Variants in SFMBT2 observed in about 807,000 individuals in gnomAD.
SFMBT2 encodes the protein scm-like with four MBT domains protein 2.
In SFMBT2, 38 loss-of-function variants were observed where a neutral mutation model predicts 110.1. That is an observed-to-expected ratio of 0.35 (90% CI 0.27 to 0.45). SFMBT2 has a LOEUF of 0.45. Ranked by LOEUF, SFMBT2 falls within the 20% of genes least tolerant of loss-of-function variation. The probability of loss-of-function intolerance (pLI) is 1.00; values close to 1 mark genes in which losing one functional copy is unlikely to be tolerated. For synonymous variants in SFMBT2, 425 were observed against 425.4 expected, an observed-to-expected ratio of 1.00 and a Z score of 0.01; for missense variants, 1,011 against 1,094.9, an observed-to-expected ratio of 0.92 and a Z score of 1.08.
In SFMBT2 at chr10:7,168,485, C is replaced by T. The variant is rs11255032; in HGVS notation, c.2544+2443G>A. ...CCTTGTATCTTTAGCTATCAGAAGG[C>T]ACCTCGCAGGGACTGAATCGGTGTA... is the stretch of plus-strand genomic sequence containing the variant. On this transcript the variant is annotated intron_variant, in intron 20 of 20. Transcript: ENST00000397167. Among the ~76,000 whole-genome samples the T allele has an allele frequency of 8.3e-3, 1,268 of 152,304 alleles. 6 individuals carry two copies. Among genetic ancestry groups the T allele is most frequent in the Middle Eastern group, 0.024 (7 of 294 alleles).
intron 11 of SFMBT2, among the ~76,000 whole-genome samples, chr10:7,213,616 T>C (rs1192668958): frequency 6.6e-6 from 1 of 152,164 alleles, no homozygotes; most frequent in Non-Finnish European, 1.5e-5. Flanking sequence ...GCTGGTGAGT[T>C]CTGTTCTGGA....
At chr10:7,264,255 C>CAACCA (rs1405348764) in intron 7 of SFMBT2, 2 of 242,252 alleles carry the variant, frequency 8.3e-6, no homozygotes, top group African/African-American at 4.6e-5. Flanking sequence ...GTTTCAGACC[C>CAACCA]AACCAAACCA....
intron 11 of SFMBT2, chr10:7,206,319 G>T (rs1839136483): frequency 2.0e-6 from 2 of 985,284 alleles, no homozygotes; most frequent in African/African-American, 1.7e-5. Context: ...GAATGTATCG[G>T]AGCTTGGGGT....
chr10:7,325,782 G>A (rs1053677891), intron 4 of SFMBT2, among the ~76,000 whole-genome samples: 6 of 152,156 alleles, frequency 3.9e-5, no homozygotes, highest in Admixed American at 6.5e-5. Context: ...CTGCTATCGG[G>A]TAACGGTTTA....
At chr10:7,184,026 T>G (rs1412249358) in intron 16 of SFMBT2, among the ~76,000 whole-genome samples, 1 of 152,122 alleles carries the variant, frequency 6.6e-6, no homozygotes, top group African/African-American at 2.4e-5. Context: ...GGAGGCAAAG[T>G]TTTTCCTCAC....
At chr10:7,194,278 G>C (rs1838699468) in intron 15 of SFMBT2, among the ~76,000 whole-genome samples, 1 of 152,082 alleles carries the variant, frequency 6.6e-6, no homozygotes, top group African/African-American at 2.4e-5. Context: ...TCGTGGTCCT[G>C]CCAAACCCCA....
At chr10:7,207,244 T>C (rs984730182) in intron 11 of SFMBT2, among the ~76,000 whole-genome samples, 3 of 151,634 alleles carry the variant, frequency 2.0e-5, no homozygotes, top group Non-Finnish European at 4.4e-5. Flanking sequence ...CTGTAAGTCC[T>C]AGCAACTTGG....
At chr10:7,244,320 G>A (rs1840537028) in intron 8 of SFMBT2, 1 of 215,880 alleles carries the variant, frequency 4.6e-6, no homozygotes, top group African/African-American at 2.3e-5. Context: ...TGATCTGGCT[G>A]GAATAAACCG....
intron 4 of SFMBT2, among the ~76,000 whole-genome samples, chr10:7,352,948 T>C (rs1844371679): frequency 6.6e-6 from 1 of 152,010 alleles, no homozygotes; most frequent in Non-Finnish European, 1.5e-5. Flanking sequence ...AGGTGGGGCT[T>C]GCAGTGAGCC....
chr10:7,202,970 C>T, intron 12 of SFMBT2: 1 of 985,422 alleles, frequency 1.0e-6, no homozygotes, highest in Non-Finnish European at 1.2e-6. Context: ...ACATGTTATT[C>T]ACAAAAGGAG....
In SFMBT2 at chr10:7,326,014, G is replaced by A. The variant is rs76568916; in HGVS notation, c.437-40060C>T. The stretch of plus-strand genomic sequence containing the variant: ...GAATGCAGCACAAGAATAGTCATAC[G>A]TAAAATTGTCCAGTATGCAACCAGA... On this transcript the variant is annotated intron_variant, in intron 4 of 20. Transcript: ENST00000397167. Among the ~76,000 whole-genome samples, 1,045 of 152,314 alleles carry A rather than the reference G, an allele frequency of 6.9e-3. 17 individuals carry two copies. Among genetic ancestry groups the A allele is most frequent in the African/African-American group, 0.024 (995 of 41,568 alleles).
At chr10:7,310,915 C>T (rs955750698) in intron 4 of SFMBT2, among the ~76,000 whole-genome samples, 25 of 151,860 alleles carry the variant, frequency 1.6e-4, no homozygotes, top group African/African-American at 4.8e-4. Context: ...GGCATGGTGG[C>T]GGACGCCTGT....
chr10:7,273,035 T>C (rs1014344611), intron 7 of SFMBT2, among the ~76,000 whole-genome samples: 5 of 152,206 alleles, frequency 3.3e-5, no homozygotes, highest in African/African-American at 1.2e-4. Flanking sequence ...CCTCAAATGA[T>C]CTGCCCGTCT....
At chr10:7,186,475 A>ATATATATACATAT (rs1345076690) in intron 16 of SFMBT2, among the ~76,000 whole-genome samples, 1 of 136,592 alleles carries the variant, frequency 7.3e-6, no homozygotes, top group Non-Finnish European at 1.5e-5. Flanking sequence ...TATATATATA[A>ATATATATACATAT]AAATATTTTA....
At chr10:7,174,104 C>T (rs551712087) in intron 17 of SFMBT2, among the ~76,000 whole-genome samples, 1 of 152,366 alleles carries the variant, frequency 6.6e-6, no homozygotes, top group African/African-American at 2.4e-5. Context: ...CCAGGAGGCA[C>T]ACCTGCTCCG....
At chr10:7,393,021 AT>A (rs1564473094) in intron 1 of SFMBT2, among the ~76,000 whole-genome samples, 1,723 of 69,990 alleles carry the variant, frequency 0.025, 66 homozygotes, top group African/African-American at 0.076. Flanking sequence ...ATATATATAT[AT>A]ATATATATAT....
At chr10:7,373,411 A>C (rs1845112016) in intron 2 of SFMBT2, among the ~76,000 whole-genome samples, 3 of 152,132 alleles carry the variant, frequency 2.0e-5, no homozygotes, top group Admixed American at 1.3e-4. Context: ...CTGTTATAGG[A>C]ACACGAAACA....
At chr10:7,235,507 C>T (rs1441874169) in intron 9 of SFMBT2, among the ~76,000 whole-genome samples, 1 of 150,604 alleles carries the variant, frequency 6.6e-6, no homozygotes, top group African/African-American at 2.4e-5. Context: ...CAAACACACA[C>T]ACTCACACCA....
chr10:7,165,885 T>C (rs935890883), intron 20 of SFMBT2, among the ~76,000 whole-genome samples: 2 of 152,240 alleles, frequency 1.3e-5, no homozygotes, highest in Non-Finnish European at 2.9e-5. Flanking sequence ...GTGAAATAAG[T>C]GTTTGGCTCT....
Sources: gnomAD v4.1 joint callset for allele counts (sites outside exome capture counted in the v4.1 genomes callset) on GRCh38, gnomAD v4.1.1 for gene constraint, MANE v1.5 for transcripts, NCBI Gene and HGNC (gene_info 2026-07-23, HGNC 2026-07-21) for gene names.